The following NTNG1 variants were observed in gnomAD, a reference collection of about 807,000 sequenced individuals.
NTNG1 encodes netrin-G1.
A neutral mutation model predicts 54.0 loss-of-function variants in NTNG1; 16 were observed. That is an observed-to-expected ratio of 0.30 (90% confidence interval 0.20 to 0.45). The LOEUF (loss-of-function observed/expected upper bound fraction) is 0.45. Ranked by LOEUF, NTNG1 falls within the 20% of genes least tolerant of loss-of-function variation. NTNG1 has a pLI of 1.00. For synonymous variants in NTNG1, 255 were observed against 263.1 expected, an observed-to-expected ratio of 0.97 and a Z score of 0.30; for missense variants, 530 against 678.7, an observed-to-expected ratio of 0.78 and a Z score of 2.43.
At chr1:107,302,847 G>T (rs1666409478) in intron 2 of NTNG1, among the ~76,000 whole-genome samples, 1 of 152,036 alleles carries the variant, frequency 6.6e-6, no homozygotes, top group African/African-American at 2.4e-5. Context: ...TTGGTATTTT[G>T]TTTTGTTTTA....
chr1:107,197,230 C>A lies in NTNG1; in HGVS notation c.246+48391C>A, dbSNP rs144650990. Among the ~76,000 whole-genome samples the A allele has an allele frequency of 4.0e-4, 61 of 152,066 alleles. No individual in the cohort carries two copies. In the East Asian group the frequency reaches 0.011, roughly 28 times the overall value. On this transcript the variant is annotated intron_variant, in intron 2 of 7. Transcript: ENST00000370068. ...AAATGCGGTCTGATTAGTTCTGCAG[C>A]CTTAGTTACAAGGGTCAGCTGTGCT...
chr1:107,426,665 TG>T (rs1040054952), intron 5 of NTNG1, among the ~76,000 whole-genome samples: 120 of 152,082 alleles, frequency 7.9e-4, no homozygotes, highest in African/African-American at 2.9e-3. Flanking sequence ...GGGCTTTTTT[TG>T]GGGGGTGGGG....
At chr1:107,398,320 C>T (rs1672815536) in intron 4 of NTNG1, among the ~76,000 whole-genome samples, 1 of 152,110 alleles carries the variant, frequency 6.6e-6, no homozygotes, top group Non-Finnish European at 1.5e-5. Context: ...TTTCTGTTCA[C>T]CTTCACAAGT....
intron 2 of NTNG1, among the ~76,000 whole-genome samples, chr1:107,258,244 C>T (rs1451587326): frequency 1.4e-5 from 2 of 141,400 alleles, no homozygotes; most frequent in African/African-American, 2.6e-5. Flanking sequence ...TGTAATGGCT[C>T]TAAGAGTTGT....
At chr1:107,143,576 A>T (rs78064362) in intron 1 of NTNG1, among the ~76,000 whole-genome samples, 2,734 of 152,224 alleles carry the variant, frequency 0.018, 38 homozygotes, top group Non-Finnish European at 0.027. Flanking sequence ...ACATTGAAAT[A>T]TATGTGTGTG....
chr1:107,480,577 C>CCCCAATATGGGCA, intron 7 of NTNG1, 34 bp from the exon 8 acceptor site: 1 of 470,480 alleles, frequency 2.1e-6, no homozygotes, highest in Non-Finnish European at 4.0e-6. Flanking sequence ...CCTCCCCGCG[C>CCCCAATATGGGCA]CCACCCACCC....
At position 107,318,504 on chromosome 1, in the gene NTNG1, G is replaced by A. The variant is rs1570665732; in HGVS notation, c.247-5778G>A. Among the ~76,000 whole-genome samples the A allele has an allele frequency of 2.0e-5, 3 of 151,312 alleles. No homozygotes were observed. The South Asian group carries it at 6.3e-4, about 32-fold the overall frequency. On this transcript the variant is annotated intron_variant, in intron 2 of 7. Coordinates refer to ENST00000370068, the MANE Select transcript of NTNG1 (RefSeq NM_001113226.3). ...CATATTGAGGTTGCTAACAGCTATGGTAAGAACAAATCTATCTGTGAAATT... is the reference window on the plus strand; with the variant it reads ...CATATTGAGGTTGCTAACAGCTATGATAAGAACAAATCTATCTGTGAAATT...
At chr1:107,331,606 TGTACA>T (rs1174168747) in intron 3 of NTNG1, among the ~76,000 whole-genome samples, 1 of 152,170 alleles carries the variant, frequency 6.6e-6, no homozygotes, top group Non-Finnish European at 1.5e-5. Context: ...ACTTTTATTA[TGTACA>T]CCTGCTTTCA....
chr1:107,380,336 G>A (rs943504649), intron 3 of NTNG1, among the ~76,000 whole-genome samples: 1 of 152,144 alleles, frequency 6.6e-6, no homozygotes, highest in Non-Finnish European at 1.5e-5. Context: ...TTGCTAATAG[G>A]ACTTGGGGGA....
chr1:107,201,688 C>G (rs1415194221), intron 2 of NTNG1, among the ~76,000 whole-genome samples: 2 of 151,906 alleles, frequency 1.3e-5, no homozygotes, highest in African/African-American at 4.8e-5. Context: ...CTTAACTGGT[C>G]TTCCAGGCTG....
intron 1 of NTNG1, among the ~76,000 whole-genome samples, chr1:107,144,793 C>G (rs1653986073): frequency 6.6e-6 from 1 of 152,024 alleles, no homozygotes; most frequent in Non-Finnish European, 1.5e-5. Context: ...CAAATTTATA[C>G]ACCGGAGGTC....
chr1:107,247,797 C>T (rs1205490534), intron 2 of NTNG1, among the ~76,000 whole-genome samples: 1 of 152,208 alleles, frequency 6.6e-6, no homozygotes, highest in African/African-American at 2.4e-5. Flanking sequence ...CAGCTGTGGG[C>T]TCCATCAGCT....
intron 2 of NTNG1, among the ~76,000 whole-genome samples, chr1:107,246,691 T>G (rs958048985): frequency 6.6e-6 from 1 of 152,126 alleles, no homozygotes; most frequent in Non-Finnish European, 1.5e-5. Context: ...TCTTAAATTT[T>G]GCAATCTCAG....
At chr1:107,350,271 A>G (rs903219506) in intron 3 of NTNG1, among the ~76,000 whole-genome samples, 1 of 152,162 alleles carries the variant, frequency 6.6e-6, no homozygotes, top group African/African-American at 2.4e-5. Flanking sequence ...AGAAATATAT[A>G]ATCAGGATTC....
intron 3 of NTNG1, among the ~76,000 whole-genome samples, chr1:107,377,566 T>C (rs758043893): frequency 6.6e-5 from 10 of 152,216 alleles, no homozygotes; most frequent in Non-Finnish European, 1.5e-4. Context: ...AATTCAGTCC[T>C]GGTTGTGTGC....
At chr1:107,426,056 T>C (rs543098624) in intron 5 of NTNG1, among the ~76,000 whole-genome samples, 1 of 152,248 alleles carries the variant, frequency 6.6e-6, no homozygotes, top group South Asian at 2.1e-4. Flanking sequence ...GTTATCTGAG[T>C]TCCTTGTAGA....
In NTNG1 at chr1:107,182,276, A is replaced by G. The variant is rs866578355; in HGVS notation, c.246+33437A>G. ...CAAGTACAGCATTTGAGTCTCCCCA[A>G]ATCTCATTTTAGAGAGATTTCCTAG... On this transcript the variant is annotated intron_variant, in intron 2 of 7. Coordinates refer to ENST00000370068, the MANE Select transcript of NTNG1 (RefSeq NM_001113226.3). 1.6e-4 allele frequency among the ~76,000 whole-genome samples: 25 copies of G among 152,114 alleles called. 1 individual carries two copies. In the South Asian group the frequency reaches 2.5e-3, roughly 15 times the overall value.
intron 2 of NTNG1, among the ~76,000 whole-genome samples, chr1:107,177,134 T>A (rs926642095): frequency 2.9e-4 from 44 of 152,184 alleles, no homozygotes; most frequent in African/African-American, 1.0e-3. Flanking sequence ...TTACTGAGAA[T>A]CACATGTCTC....
chr1:107,346,060 C>T (rs1346463583), intron 3 of NTNG1, among the ~76,000 whole-genome samples: 1 of 152,178 alleles, frequency 6.6e-6, no homozygotes, highest in African/African-American at 2.4e-5. Flanking sequence ...TCTGGTGTCT[C>T]CCTGCCTATG....
Sources: allele counts gnomAD v4.1 joint callset (sites outside exome capture counted in the v4.1 genomes callset), GRCh38; gene constraint gnomAD v4.1.1; transcripts MANE v1.5; gene names NCBI Gene and HGNC (gene_info 2026-07-23, HGNC 2026-07-21).